Variants in KSR1 observed in about 807,000 individuals in gnomAD.
KSR1 encodes the protein kinase suppressor of ras.
KSR1 carries 35 observed loss-of-function variants against 92.9 expected under a neutral mutation model. The observed-to-expected ratio is 0.38, with a 90% CI of 0.29 to 0.50. The LOEUF is 0.50. Ranked by LOEUF, KSR1 falls within the 20% of genes least tolerant of loss-of-function variation. The pLI, the probability that KSR1 is intolerant of heterozygous loss-of-function variation, is 0.94. For missense variants in KSR1, 972 were observed against 1,158.5 expected (o/e 0.84, Z 2.34); for synonymous variants, 467 against 472.6 (o/e 0.99, Z 0.15).
intron 2 of KSR1, among the ~76,000 whole-genome samples, chr17:27,576,200 G>A (rs924997571): frequency 6.6e-6 from 1 of 152,172 alleles, no homozygotes; most frequent in Non-Finnish European, 1.5e-5. Context: ...GTGATTGGAT[G>A]AAGCCTACTT....
rs1444648927 is a variant in KSR1, at chr17:27,559,459, G to C, written c.372+8751G>C. Among the ~76,000 whole-genome samples, 2 of 152,238 alleles carry C rather than the reference G, an allele frequency of 1.3e-5. No individual in the cohort carries two copies. Among genetic ancestry groups the C allele is most frequent in the African/African-American group, 2.4e-5 (1 of 41,458 alleles). ...AGTGTGGCAGCCCTTAGCCATATGT[G>C]GCTTGGGGACACTTGAAATGTGTAT... On this transcript the variant is annotated intron_variant, in intron 2 of 20. Transcript: ENST00000644974. This position sits in a 1 kb window ranked among gnomAD's most constrained non-coding sequence, Gnocchi z 4.2.
chr17:27,555,529 TGTGTGTGTAGCACTTCC>T (rs2071560529), intron 2 of KSR1, among the ~76,000 whole-genome samples: 1 of 151,474 alleles, frequency 6.6e-6, no homozygotes, highest in East Asian at 1.9e-4. Flanking sequence ...TGTGTGTGTG[TGTGTGTGTAGCACTTCC>T]GTGTGTAGCA....
chr17:27,524,922 G>C (rs998588651), intron 1 of KSR1, among the ~76,000 whole-genome samples: 2 of 152,072 alleles, frequency 1.3e-5, no homozygotes, highest in African/African-American at 2.4e-5. Context: ...GAAAACGGTG[G>C]GGCACATTTT....
chr17:27,589,883 G>A (rs916120579), intron 6 of KSR1, among the ~76,000 whole-genome samples: 7 of 152,094 alleles, frequency 4.6e-5, no homozygotes, highest in African/African-American at 1.2e-4. Context: ...TCTTTAAAGA[G>A]GTCTTAGCTG....
chr17:27,590,091 G>A (rs1232119497), intron 6 of KSR1, among the ~76,000 whole-genome samples: 4 of 152,180 alleles, frequency 2.6e-5, no homozygotes, highest in Non-Finnish European at 5.9e-5. Flanking sequence ...ACACACCTGT[G>A]TATACCATCC....
chr17:27,528,169 C>A (rs1386004917), intron 1 of KSR1, among the ~76,000 whole-genome samples: 2 of 152,070 alleles, frequency 1.3e-5, no homozygotes, highest in African/African-American at 4.8e-5. Context: ...GGGGTTCAAG[C>A]AATTCTTGTT....
chr17:27,510,254 T>G (rs1218884235), intron 1 of KSR1, among the ~76,000 whole-genome samples: 1 of 152,168 alleles, frequency 6.6e-6, no homozygotes, highest in Non-Finnish European at 1.5e-5. Flanking sequence ...ACTGGGAAGG[T>G]GGCGGTGCTG....
rs1351168026 is a variant in KSR1, at chr17:27,524,972, TTA to T, written c.232-25594_232-25593del. On this transcript the variant is annotated intron_variant, in intron 1 of 20. Coordinates refer to ENST00000644974, the MANE Select transcript of KSR1 (RefSeq NM_001394583.1). ...TAGAAATGGTAAGAAAGAAAAAATC[TTA>T]TGCCCATGAAGTTGTAAATGTCAGA... is the stretch of plus-strand genomic sequence containing the variant. Among the ~76,000 whole-genome samples the T allele has an allele frequency of 3.3e-5, 5 of 152,360 alleles. No homozygotes were observed. In the East Asian group the frequency reaches 9.6e-4, roughly 29 times the overall value.
chr17:27,546,036 T>C (rs1323643678), intron 1 of KSR1, among the ~76,000 whole-genome samples: 1 of 152,216 alleles, frequency 6.6e-6, no homozygotes, highest in African/African-American at 2.4e-5. Context: ...CTCCAGTTAA[T>C]GTGGAAAAGA....
At chr17:27,507,495 T>C (rs954079023) in intron 1 of KSR1, among the ~76,000 whole-genome samples, 2 of 151,782 alleles carry the variant, frequency 1.3e-5, no homozygotes, top group East Asian at 3.8e-4. Flanking sequence ...TGTGTGATTA[T>C]GTGTTGAAGT....
intron 9 of KSR1, among the ~76,000 whole-genome samples, chr17:27,593,439 G>GC (rs141934624): frequency 5.3e-5 from 8 of 152,200 alleles, no homozygotes; most frequent in Non-Finnish European, 7.3e-5. Flanking sequence ...CTTAGCGTGT[G>GC]CCCCCCCGAT....
chr17:27,604,363 G>A (rs1174977256), intron 12 of KSR1, among the ~76,000 whole-genome samples: 8 of 152,194 alleles, frequency 5.3e-5, no homozygotes, highest in Non-Finnish European at 7.3e-5. Flanking sequence ...AGTTGAGGCC[G>A]TCAGATTCCG....
intron 17 of KSR1, 154 bp from the exon 18 acceptor site, chr17:27,611,340 T>G (rs2073910639): frequency 1.1e-6 from 1 of 901,264 alleles, no homozygotes; most frequent in Admixed American, 2.8e-5. Flanking sequence ...GGGAGGAGCC[T>G]CCAGGAGCCC....
At chr17:27,463,369 A>T (rs1402042296) in intron 1 of KSR1, among the ~76,000 whole-genome samples, 1 of 151,390 alleles carries the variant, frequency 6.6e-6, no homozygotes, top group Non-Finnish European at 1.5e-5. Flanking sequence ...TTAGCCATGC[A>T]TGGTGGCACG....
At chr17:27,481,637 A>T (rs759460036) in intron 1 of KSR1, among the ~76,000 whole-genome samples, 16 of 152,116 alleles carry the variant, frequency 1.1e-4, no homozygotes, top group Non-Finnish European at 2.2e-4. Context: ...ACCTGCACTT[A>T]TATAGCTATC....
chr17:27,519,926 G>A (rs549276275), intron 1 of KSR1, among the ~76,000 whole-genome samples: 55 of 152,294 alleles, frequency 3.6e-4, no homozygotes, highest in African/African-American at 1.3e-3. Flanking sequence ...CCCCAGCCGG[G>A]AGTGGGGATA....
At chr17:27,504,038 A>G (rs1200953862) in intron 1 of KSR1, among the ~76,000 whole-genome samples, 1 of 152,248 alleles carries the variant, frequency 6.6e-6, no homozygotes, top group Non-Finnish European at 1.5e-5. Context: ...TACTGTGGAT[A>G]AAAGCCCAAG....
chr17:27,527,059 G>C (rs76637587), intron 1 of KSR1: 3 of 447,036 alleles, frequency 6.7e-6, no homozygotes, highest in Middle Eastern at 3.3e-4. Flanking sequence ...AGTTGCATTC[G>C]TGGGTCAGCG....
At chr17:27,550,804 T>C (rs201614097) in intron 2 of KSR1, 96 bp downstream of exon 2, 1 of 671,700 alleles carries the variant, frequency 1.5e-6, no homozygotes, top group Non-Finnish European at 2.8e-6. Flanking sequence ...TGGCTAAGAC[T>C]AAGGGTTGAT....
Sources: allele counts gnomAD v4.1 joint callset (sites outside exome capture counted in the v4.1 genomes callset), GRCh38; gene constraint gnomAD v4.1.1; non-coding constraint Gnocchi (gnomAD v3.1); transcripts MANE v1.5; gene names NCBI Gene and HGNC (gene_info 2026-07-23, HGNC 2026-07-21).